CAST: variants seen among roughly 807,000 people sequenced by gnomAD.
CAST encodes MIR583 host.
In CAST, 76 loss-of-function variants were observed where a neutral mutation model predicts 119.6. That is an observed-to-expected ratio of 0.64 (90% CI 0.53 to 0.77). CAST has a LOEUF of 0.77. Ranked by LOEUF, CAST falls within the 30% of genes least tolerant of loss-of-function variation. The pLI is 0.00. For missense variants in CAST, 953 were observed against 946.5 expected, an observed-to-expected ratio of 1.01 and a Z score of -0.09; for synonymous variants, 319 against 331.6, an observed-to-expected ratio of 0.96 and a Z score of 0.41.
chr5:96,113,985 C>T, the CAST span, among the ~76,000 whole-genome samples: 1 of 152,284 alleles, frequency 6.6e-6, no homozygotes, highest in East Asian at 1.9e-4. Context: ...TTTTATACTA[C>T]TAGCCTGACC....
At chr5:96,561,796 G>GTTTTTGTT (rs1746370693) in intron 1 of CAST, among the ~76,000 whole-genome samples, 1 of 97,422 alleles carries the variant, frequency 1.0e-5, no homozygotes, top group Admixed American at 1.4e-4. Context: ...GTTTTTTTTT[G>GTTTTTGTT]TTTTTTTTTT....
the CAST span, among the ~76,000 whole-genome samples, chr5:96,323,931 C>G: frequency 6.6e-6 from 1 of 152,116 alleles, no homozygotes; most frequent in Admixed American, 6.6e-5. Context: ...TCTCCTTTAC[C>G]TTCTCCTTGC....
the CAST span, among the ~76,000 whole-genome samples, chr5:96,204,218 GC>G: frequency 6.6e-6 from 1 of 151,930 alleles, no homozygotes; most frequent in Non-Finnish European, 1.5e-5. Flanking sequence ...CAGGAAACTG[GC>G]CCCTTCCCTC....
chr5:96,448,631 G>A, the CAST span, among the ~76,000 whole-genome samples: 3 of 152,106 alleles, frequency 2.0e-5, no homozygotes, highest in African/African-American at 4.8e-5. Flanking sequence ...GCAAACTCTT[G>A]AAGCTCTTGG....
chr5:96,426,579 G>A, the CAST span, among the ~76,000 whole-genome samples: 7 of 152,212 alleles, frequency 4.6e-5, no homozygotes, highest in East Asian at 5.8e-4. Flanking sequence ...CTGACAATAC[G>A]AAAATTACCT....
the CAST span, among the ~76,000 whole-genome samples, chr5:96,325,132 A>C: frequency 1.4e-4 from 22 of 152,144 alleles, 1 homozygote; most frequent in East Asian, 4.1e-3. Flanking sequence ...TGGGCCCGGG[A>C]GGTAGAGGTT....
At chr5:96,525,880 C>T (rs1349507628), upstream of CAST, among the ~76,000 whole-genome samples, 1 of 152,186 alleles carries the variant, frequency 6.6e-6, no homozygotes, top group East Asian at 1.9e-4. Flanking sequence ...AGGCTGGAGA[C>T]ATTCGTCAGC....
At chr5:96,241,160 C>A in the CAST span, among the ~76,000 whole-genome samples, 4 of 151,160 alleles carry the variant, frequency 2.6e-5, no homozygotes, top group East Asian at 1.9e-4. Flanking sequence ...GTGCTGCACC[C>A]ATTAACTCGT....
At chr5:96,152,153 C>T in the CAST span, among the ~76,000 whole-genome samples, 8 of 152,118 alleles carry the variant, frequency 5.3e-5, no homozygotes, top group African/African-American at 7.2e-5. Context: ...GCAAAGTAAT[C>T]GAGGTAAGAT....
At chr5:96,584,377 T>C (rs1463947174) in intron 1 of CAST, 2 of 152,228 alleles carry the variant, frequency 1.3e-5, no homozygotes, top group African/African-American at 2.4e-5. Flanking sequence ...TATCGGTCCA[T>C]GGCCAGGGGA....
At chr5:96,754,578 C>T in intron 21 of CAST, 80 bp from the exon 22 acceptor site, 2 of 834,664 alleles carry the variant, frequency 2.4e-6, no homozygotes, top group Admixed American at 2.0e-5. Context: ...ATTTGTTTAC[C>T]TCAAATCTAG....
chr5:96,770,828 C>T (rs1421115472), intron 30 of CAST, among the ~76,000 whole-genome samples: 3 of 152,028 alleles, frequency 2.0e-5, no homozygotes, highest in African/African-American at 7.2e-5. Context: ...TGACACAACC[C>T]AATTTGCCTG....
rs561054783 is a variant in CAST, at chr5:96,559,462, T to A, written c.60+29582T>A. On this transcript the variant is annotated intron_variant, in intron 1 of 11. Transcript: ENST00000505143. Reference sequence around the variant, plus strand: ...ATGATTGTATATCTAGAAAACCCCATCGTCTCAGCCCAAAATCTCCTTAAG... The same window carrying A: ...ATGATTGTATATCTAGAAAACCCCAACGTCTCAGCCCAAAATCTCCTTAAG... 1.7e-3 allele frequency among the ~76,000 whole-genome samples: 266 copies of A among 152,322 alleles called. 2 individuals are homozygous for A. The highest frequency in any genetic ancestry group is 6.0e-3 in the African/African-American group (248 of 41,566).
the CAST span, among the ~76,000 whole-genome samples, chr5:96,095,330 T>G: frequency 6.6e-6 from 1 of 151,684 alleles, no homozygotes; most frequent in East Asian, 1.9e-4. Flanking sequence ...TCACCTATAA[T>G]CCCAGCACTT....
the CAST span, among the ~76,000 whole-genome samples, chr5:96,191,172 A>G: frequency 6.6e-6 from 1 of 152,200 alleles, no homozygotes; most frequent in African/African-American, 2.4e-5. Flanking sequence ...TGAGTATTTT[A>G]GCATGTGCTA....
At chr5:96,550,596 G>T (rs989771000) in intron 1 of CAST, among the ~76,000 whole-genome samples, 1 of 152,072 alleles carries the variant, frequency 6.6e-6, no homozygotes, top group Non-Finnish European at 1.5e-5. Flanking sequence ...GCTTCAGAAG[G>T]TTGGTAATAA....
intron 1 of CAST, among the ~76,000 whole-genome samples, chr5:96,537,651 T>C (rs1217470221): frequency 6.6e-6 from 1 of 152,240 alleles, no homozygotes; most frequent in African/African-American, 2.4e-5. Flanking sequence ...CTGTTCTCCA[T>C]GTCACTATAG....
At chr5:96,737,270 CTCAGGTAATT>C (rs1417337044) in intron 10 of CAST, among the ~76,000 whole-genome samples, 2 of 151,956 alleles carry the variant, frequency 1.3e-5, no homozygotes, top group Non-Finnish European at 2.9e-5. Flanking sequence ...AGTTTAATGT[CTCAGGTAATT>C]TCTGTTTTGT....
chr5:96,639,959 A>G (rs191439231), intron 1 of CAST, among the ~76,000 whole-genome samples: 11 of 152,234 alleles, frequency 7.2e-5, no homozygotes, highest in Admixed American at 5.2e-4. Flanking sequence ...ACTATTTGCC[A>G]TCTCCTCTCA....
Sources: allele counts gnomAD v4.1 joint callset (sites outside exome capture counted in the v4.1 genomes callset), GRCh38; gene constraint gnomAD v4.1.1; transcripts MANE v1.5; gene names NCBI Gene and HGNC (gene_info 2026-07-23, HGNC 2026-07-21).